HPSE2: variants seen among roughly 807,000 people sequenced by gnomAD.
HPSE2 encodes the protein heparanase 2 (inactive), also known as inactive heparanase-2.
Under a neutral mutation model 60.5 loss-of-function variants are expected in HPSE2, and 38 were observed. The observed-to-expected ratio is 0.63, with a 90% CI of 0.48 to 0.82. The LOEUF is 0.82. HPSE2 is among the 40% of genes least tolerant of loss of function. The pLI is 0.00. For synonymous variants in HPSE2, 295 were observed against 293.2 expected (o/e 1.01, Z -0.06); for missense variants, 713 against 740.4 (o/e 0.96, Z 0.43).
chr10:99,238,875 G>C (rs1849906718), upstream of HPSE2, among the ~76,000 whole-genome samples: 1 of 152,072 alleles, frequency 6.6e-6, no homozygotes. Flanking sequence ...AATATGAACT[G>C]TCAGGCCAGG....
At chr10:98,837,600 C>T (rs1056120039) in intron 3 of HPSE2, among the ~76,000 whole-genome samples, 6 of 152,086 alleles carry the variant, frequency 3.9e-5, no homozygotes, top group South Asian at 2.1e-4. Context: ...TCCGGCCGGG[C>T]GTGGTGGCTC....
intron 2 of HPSE2, among the ~76,000 whole-genome samples, chr10:99,213,513 C>T (rs911286952): frequency 6.6e-5 from 10 of 152,118 alleles, no homozygotes; most frequent in Non-Finnish European, 7.4e-5. Context: ...CTTTGAGACA[C>T]CACACCCACA....
At chr10:99,307,865 C>T in the HPSE2 span, among the ~76,000 whole-genome samples, 1 of 151,530 alleles carries the variant, frequency 6.6e-6, no homozygotes, top group Non-Finnish European at 1.5e-5. Flanking sequence ...CACACACACA[C>T]ACAAATGGCT....
intron 3 of HPSE2, among the ~76,000 whole-genome samples, chr10:99,069,151 T>C (rs963408593): frequency 6.6e-6 from 1 of 152,128 alleles, no homozygotes; most frequent in Non-Finnish European, 1.5e-5. Context: ...CTAAACCCAG[T>C]TGAAACAAAA....
Position 99,015,497 on chromosome 10 carries a change from A to G in HPSE2, c.610+128741T>C, listed in dbSNP as rs1174155693. Among the ~76,000 whole-genome samples, 6 of 152,332 alleles carry G rather than the reference A, an allele frequency of 3.9e-5. No homozygotes were observed. The East Asian group carries it at 9.6e-4, about 24-fold the overall frequency. On this transcript the variant is annotated intron_variant, in intron 3 of 11. Transcript: ENST00000370552. ...GGAATACTATGCAGCCATAAAAAATAATGAGTTCGTGTCCTTTGTAGGGAC... is the reference window on the plus strand; with the variant it reads ...GGAATACTATGCAGCCATAAAAAATGATGAGTTCGTGTCCTTTGTAGGGAC...
At chr10:99,310,441 T>G in the HPSE2 span, among the ~76,000 whole-genome samples, 436 of 152,330 alleles carry the variant, frequency 2.9e-3, 2 homozygotes, top group Admixed American at 4.6e-3. Context: ...CCTACAGTGT[T>G]CTTTGCTCAT....
intron 2 of HPSE2, among the ~76,000 whole-genome samples, chr10:99,188,773 G>T (rs563099175): frequency 6.6e-6 from 1 of 152,274 alleles, no homozygotes; most frequent in South Asian, 2.1e-4. Flanking sequence ...GAAATAATTT[G>T]TTTAAATATT....
intron 9 of HPSE2, among the ~76,000 whole-genome samples, chr10:98,607,668 G>A (rs632602): frequency 0.97 from 148,331 of 152,312 alleles, 72,368 homozygotes; most frequent in East Asian, 1. Context: ...TGTTCTTCTC[G>A]TTTTCTAGTT....
intron 3 of HPSE2, among the ~76,000 whole-genome samples, chr10:98,775,690 A>G (rs963619669): frequency 6.6e-6 from 1 of 152,152 alleles, no homozygotes; most frequent in African/African-American, 2.4e-5. Flanking sequence ...TCTATCCCTT[A>G]TGGCTTTACC....
intron 3 of HPSE2, among the ~76,000 whole-genome samples, chr10:98,915,151 CTTT>C (rs1174583914): frequency 3.5e-5 from 5 of 141,152 alleles, no homozygotes; most frequent in Admixed American, 7.1e-5. Flanking sequence ...CTAAATTTTC[CTTT>C]TTTTTTTTTT....
chr10:99,305,979 G>GCGCGCACGCACACACACACA, the HPSE2 span, among the ~76,000 whole-genome samples: 3 of 80,580 alleles, frequency 3.7e-5, no homozygotes, highest in Admixed American at 1.2e-4. Context: ...GCGCGCGCGC[G>GCGCGCACGCACACACACACA]CACACACACA....
intron 6 of HPSE2, among the ~76,000 whole-genome samples, chr10:98,655,647 T>C (rs1158298328): frequency 1.3e-5 from 2 of 152,214 alleles, no homozygotes; most frequent in African/African-American, 4.8e-5. Flanking sequence ...CCTATTTTCA[T>C]GTTTGAGGTG....
At chr10:99,156,296 A>G (rs1481296335) in intron 2 of HPSE2, among the ~76,000 whole-genome samples, 6 of 125,140 alleles carry the variant, frequency 4.8e-5, no homozygotes, top group African/African-American at 1.3e-4. Flanking sequence ...AGACACAACC[A>G]AAAAAGAGAA....
intron 9 of HPSE2, among the ~76,000 whole-genome samples, chr10:98,600,488 A>G (rs888732468): frequency 6.6e-6 from 1 of 152,140 alleles, no homozygotes; most frequent in Admixed American, 6.5e-5. Context: ...TCACTCATCA[A>G]ACTTTTATTG....
chr10:98,461,417 T>G (rs1002067078), intron 11 of HPSE2, among the ~76,000 whole-genome samples: 1 of 152,098 alleles, frequency 6.6e-6, no homozygotes, highest in Non-Finnish European at 1.5e-5. Flanking sequence ...AGAATTGAGA[T>G]CTGAAGGTCA....
rs142131284 is a variant in HPSE2 at position 99,140,887 on chromosome 10, A to G, written c.610+3351T>C. Among the ~76,000 whole-genome samples, 481 of 152,236 alleles carry G rather than the reference A, an allele frequency of 3.2e-3. 2 individuals carry two copies. Among genetic ancestry groups the G allele is most frequent in the African/African-American group, 0.011 (456 of 41,546 alleles). On this transcript the variant is annotated intron_variant, in intron 3 of 11. Coordinates refer to ENST00000370552, the MANE Select transcript of HPSE2 (RefSeq NM_021828.5). ...CCCCATCTCTACTAAAAATACAAAA[A>G]TTAGCCGGATGTGGTGGCATTTGCC...
intron 3 of HPSE2, among the ~76,000 whole-genome samples, chr10:98,896,313 A>G (rs1022390462): frequency 2.0e-5 from 3 of 152,130 alleles, no homozygotes. Context: ...TTAGGGGGAA[A>G]TTTGGAGGGA....
chr10:99,023,137 G>A (rs1478483088), intron 3 of HPSE2, among the ~76,000 whole-genome samples: 1 of 151,992 alleles, frequency 6.6e-6, no homozygotes, highest in East Asian at 1.9e-4. Context: ...GGTGAGTCCT[G>A]GGCCAGGCAG....
At chr10:98,523,292 C>A (rs1412464495) in intron 9 of HPSE2, among the ~76,000 whole-genome samples, 1 of 152,160 alleles carries the variant, frequency 6.6e-6, no homozygotes, top group Non-Finnish European at 1.5e-5. Context: ...TTTTCATACA[C>A]AACTACTCAA....
Sources: gnomAD v4.1 joint callset for allele counts (sites outside exome capture counted in the v4.1 genomes callset) on GRCh38, gnomAD v4.1.1 for gene constraint, MANE v1.5 for transcripts, NCBI Gene and HGNC (gene_info 2026-07-23, HGNC 2026-07-21) for gene names.